Variants in NALCN observed in about 807,000 individuals in gnomAD.
NALCN encodes the protein sodium leak channel, non-selective.
Under a neutral mutation model 225.3 loss-of-function variants are expected in NALCN, and 111 were observed. That is an observed-to-expected ratio of 0.49 (90% CI 0.42 to 0.58). The LOEUF is 0.58. Ranked by LOEUF, NALCN falls within the 20% of genes least tolerant of loss-of-function variation. The pLI is 0.00. For synonymous variants in NALCN, 764 were observed against 769.0 expected (o/e 0.99, Z 0.11); for missense variants, 1,378 against 2,202.4 (o/e 0.63, Z 7.49).
intron 13 of NALCN, among the ~76,000 whole-genome samples, chr13:101,197,286 C>A (rs1406424343): frequency 6.6e-6 from 1 of 152,142 alleles, no homozygotes; most frequent in East Asian, 1.9e-4. Flanking sequence ...CTCTCTCATT[C>A]TCTTCTCCTC....
chr13:101,293,541 T>G (rs2043626145), intron 7 of NALCN, among the ~76,000 whole-genome samples: 1 of 152,218 alleles, frequency 6.6e-6, no homozygotes. Context: ...ATAAAACCAA[T>G]CTCCACTCAT....
At chr13:101,196,033 G>A (rs997494813) in intron 13 of NALCN, among the ~76,000 whole-genome samples, 5 of 152,092 alleles carry the variant, frequency 3.3e-5, no homozygotes, top group African/African-American at 1.2e-4. Context: ...GCCAGGTAAT[G>A]TTCTAAAATT....
intron 15 of NALCN, among the ~76,000 whole-genome samples, chr13:101,170,598 G>A (rs1451785040): frequency 1.3e-5 from 2 of 152,154 alleles, no homozygotes; most frequent in Non-Finnish European, 2.9e-5. Context: ...TAACAAAAGA[G>A]AATATAAGAT....
chr13:101,116,556 T>C (rs1414775683), intron 18 of NALCN: 1 of 516,136 alleles, frequency 1.9e-6, no homozygotes, highest in Non-Finnish European at 3.9e-6. Context: ...TCTTTCTTAA[T>C]GTCCCAGAAC....
intron 11 of NALCN, among the ~76,000 whole-genome samples, chr13:101,255,623 T>C (rs2042206284): frequency 6.6e-6 from 1 of 152,206 alleles, no homozygotes; most frequent in Admixed American, 6.5e-5. Context: ...ACTGATGCTA[T>C]TACTCTTGTA....
At chr13:101,150,441 T>C (rs1189587000) in intron 15 of NALCN, among the ~76,000 whole-genome samples, 2 of 152,178 alleles carry the variant, frequency 1.3e-5, no homozygotes, top group African/African-American at 4.8e-5. Context: ...CATTCTTACT[T>C]CGGCACTATC....
At chr13:101,138,574 G>T (rs1048861546) in intron 17 of NALCN, among the ~76,000 whole-genome samples, 8 of 152,194 alleles carry the variant, frequency 5.3e-5, no homozygotes, top group Non-Finnish European at 1.0e-4. Flanking sequence ...GCTCCAGGAG[G>T]TTCACTCATG....
chr13:101,217,895 T>C (rs1223130097), intron 13 of NALCN, among the ~76,000 whole-genome samples: 1 of 152,140 alleles, frequency 6.6e-6, no homozygotes, highest in Non-Finnish European at 1.5e-5. Context: ...CAGCTTTCTT[T>C]CTACCACGTC....
intron 20 of NALCN, among the ~76,000 whole-genome samples, chr13:101,109,209 G>T (rs1347737215): frequency 2.6e-5 from 4 of 152,146 alleles, no homozygotes; most frequent in Non-Finnish European, 5.9e-5. Flanking sequence ...TGACTCTGCA[G>T]TTCTAAGTTG....
At position 101,181,220 on chromosome 13, in the gene NALCN, C is replaced by T. The variant is rs373999968; in HGVS notation, c.1765-4846G>A. 7.7e-6 allele frequency: 4 copies of T among 518,602 alleles called. No homozygotes were observed. The African/African-American group carries it at 7.7e-5, about 10-fold the overall frequency. The allele number at this position is 518,602 out of a possible 1,614,324, so 32.1% of individuals were successfully genotyped here. A position where few individuals can be genotyped will look rare whatever the true frequency, so the allele number is the denominator to read the frequency against. ...CGCATTCCAGGTGGTGTGGTGAGGG[C>T]CTGGTGAGTAAGTCTGGCCAGAGTC... On this transcript the variant is annotated intron_variant, in intron 14 of 43. Transcript: ENST00000251127.
At chr13:101,159,923 GT>G (rs956563738) in intron 15 of NALCN, among the ~76,000 whole-genome samples, 5 of 150,622 alleles carry the variant, frequency 3.3e-5, no homozygotes, top group South Asian at 2.2e-4. Context: ...GAGAGAGAAG[GT>G]TTTTTTTGTT....
intron 17 of NALCN, among the ~76,000 whole-genome samples, chr13:101,134,173 A>C (rs192461622): frequency 1.5e-4 from 23 of 151,922 alleles, no homozygotes; most frequent in East Asian, 5.8e-4. Flanking sequence ...CTGTCTCAAA[A>C]AAACAAACAA....
chr13:101,118,114 A>C (rs1043421534), intron 18 of NALCN, among the ~76,000 whole-genome samples: 1 of 152,276 alleles, frequency 6.6e-6, no homozygotes, highest in Non-Finnish European at 1.5e-5. Flanking sequence ...AGGTTCATCA[A>C]TTGTAACAAA....
Position 101,063,685 on chromosome 13 carries a change from T to C in NALCN, c.4605-1567A>G, listed in dbSNP as rs558064828. On this transcript the variant is annotated intron_variant, in intron 40 of 43. Coordinates refer to ENST00000251127, the MANE Select transcript of NALCN (RefSeq NM_052867.4). ...ATAGTGGGAGGTGAAATTGATAACT[T>C]GAGAGAACTTTTCCCAGATTCTTCC... Among the ~76,000 whole-genome samples the C allele has an allele frequency of 4.6e-5, 7 of 152,284 alleles. No individual in the cohort carries two copies. In the South Asian group the frequency reaches 8.3e-4, roughly 18 times the overall value.
intron 6 of NALCN, among the ~76,000 whole-genome samples, chr13:101,366,582 C>T (rs997142847): frequency 6.6e-6 from 1 of 152,070 alleles, no homozygotes; most frequent in Non-Finnish European, 1.5e-5. Context: ...AAAACACAGC[C>T]ATCATACCTT....
At chr13:101,276,935 C>T (rs2042989120) in intron 10 of NALCN, among the ~76,000 whole-genome samples, 1 of 151,840 alleles carries the variant, frequency 6.6e-6, no homozygotes, top group Non-Finnish European at 1.5e-5. Flanking sequence ...TATATAAAAT[C>T]CTAATAGTTT....
intron 17 of NALCN, among the ~76,000 whole-genome samples, chr13:101,140,728 T>C (rs2037034805): frequency 6.6e-6 from 1 of 152,152 alleles, no homozygotes; most frequent in Non-Finnish European, 1.5e-5. Flanking sequence ...TTGAGTGGAT[T>C]ATAACTGTGA....
At chr13:101,251,569 G>T (rs2042064070) in intron 11 of NALCN, among the ~76,000 whole-genome samples, 1 of 151,950 alleles carries the variant, frequency 6.6e-6, no homozygotes, top group Non-Finnish European at 1.5e-5. Context: ...TTGAATTTAT[G>T]AAATACTTTC....
chr13:101,359,237 GA>G (rs1233656187), intron 6 of NALCN, among the ~76,000 whole-genome samples: 2 of 151,690 alleles, frequency 1.3e-5, no homozygotes, highest in African/African-American at 2.4e-5. Flanking sequence ...TACAAAGCAG[GA>G]AAAAAAGTAG....
Sources: allele counts gnomAD v4.1 joint callset (sites outside exome capture counted in the v4.1 genomes callset), GRCh38; gene constraint gnomAD v4.1.1; transcripts MANE v1.5; gene names NCBI Gene and HGNC (gene_info 2026-07-23, HGNC 2026-07-21).